OSBPL8: variants seen among roughly 807,000 people sequenced by gnomAD.
The protein encoded by OSBPL8 is oxysterol binding protein like 8, also known as oxysterol-binding protein-related protein 8.
OSBPL8 carries 59 observed loss-of-function variants against 125.5 expected under a neutral mutation model. The observed-to-expected ratio is 0.47, with a 90% CI of 0.38 to 0.58. The LOEUF is 0.58. Ranked by LOEUF, OSBPL8 falls within the 20% of genes least tolerant of loss-of-function variation. The probability of loss-of-function intolerance (pLI) is 0.00; values close to 1 mark genes in which losing one functional copy is unlikely to be tolerated. For missense variants in OSBPL8, 758 were observed against 1,047.8 expected (o/e 0.72, Z 3.82); for synonymous variants, 330 against 338.9 (o/e 0.97, Z 0.29).
At chr12:76,443,847 T>C (rs944790801) in intron 4 of OSBPL8, among the ~76,000 whole-genome samples, 1 of 152,248 alleles carries the variant, frequency 6.6e-6, no homozygotes, top group Non-Finnish European at 1.5e-5. Context: ...TGAAATATGT[T>C]CGGCTCAAAT....
chr12:76,508,111 C>T (rs1592814240), intron 1 of OSBPL8, among the ~76,000 whole-genome samples: 1 of 151,022 alleles, frequency 6.6e-6, no homozygotes, highest in Non-Finnish European at 1.5e-5. Flanking sequence ...GCGGAGGTTG[C>T]AGTGAGCCGA....
chr12:76,363,662 A>G (rs1309640282), intron 21 of OSBPL8, among the ~76,000 whole-genome samples: 1 of 152,238 alleles, frequency 6.6e-6, no homozygotes. Context: ...GACAAATGGG[A>G]TCTAATTAAA....
rs144020089 is a variant in OSBPL8 at position 76,352,846 on chromosome 12, C to T, written c.*3043G>A. On this transcript the variant is annotated 3_prime_UTR_variant, in exon 24 of 24. Transcript: ENST00000261183. ...GTGTGTATATGGCACAAGGTGACAG[C>T]CAAAAAGTGTGATTCCATCGAAAAG... is the stretch of plus-strand genomic sequence containing the variant. 3.3e-5 allele frequency: 5 copies of T among 152,470 alleles called. No homozygotes were observed. Among genetic ancestry groups the T allele is most frequent in the Non-Finnish European group, 7.4e-5 (5 of 67,900 alleles). The allele number at this position is 152,470 out of a possible 1,614,324, so 9.4% of individuals were successfully genotyped here.
At chr12:76,395,703 A>G (rs1318145912) in intron 8 of OSBPL8, among the ~76,000 whole-genome samples, 4 of 152,150 alleles carry the variant, frequency 2.6e-5, no homozygotes, top group Admixed American at 2.6e-4. Context: ...AATGGGAAGA[A>G]ACTGTATCCT....
intron 1 of OSBPL8, among the ~76,000 whole-genome samples, chr12:76,527,040 T>C (rs891615161): frequency 6.6e-6 from 1 of 152,116 alleles, no homozygotes. Context: ...ATAAGTAAAA[T>C]TATGAGGCTA....
intron 15 of OSBPL8, among the ~76,000 whole-genome samples, chr12:76,381,698 T>G (rs1391748061): frequency 6.6e-6 from 1 of 152,124 alleles, no homozygotes; most frequent in Non-Finnish European, 1.5e-5. Flanking sequence ...CTTGCATAGT[T>G]TAGCTTTTAA....
At chr12:76,404,432 C>T (rs1954171895) in intron 5 of OSBPL8, among the ~76,000 whole-genome samples, 1 of 152,124 alleles carries the variant, frequency 6.6e-6, no homozygotes, top group South Asian at 2.1e-4. Flanking sequence ...ACAGTTAACT[C>T]TTGAACAACA....
chr12:76,484,624 C>T (rs1233236963), intron 2 of OSBPL8, among the ~76,000 whole-genome samples: 1 of 152,070 alleles, frequency 6.6e-6, no homozygotes, highest in Non-Finnish European at 1.5e-5. Context: ...GAATTTACTA[C>T]CCAAGTCATA....
chr12:76,466,284 TAA>T (rs1402419747), intron 2 of OSBPL8, among the ~76,000 whole-genome samples: 2 of 151,990 alleles, frequency 1.3e-5, no homozygotes, highest in African/African-American at 2.4e-5. Flanking sequence ...GAAAAAAATA[TAA>T]AGTTTTTAAC....
chr12:76,397,597 TCCTGGCAGAGGACTA>T (rs1447444516), intron 8 of OSBPL8, 82 bp downstream of exon 8: 4 of 1,200,628 alleles, frequency 3.3e-6, no homozygotes, highest in Non-Finnish European at 4.7e-6. Flanking sequence ...GATTTATAAG[TCCTGGCAGAGGACTA>T]AACTCATTTG....
At chr12:76,530,983 G>A (rs1035995862) in intron 1 of OSBPL8, among the ~76,000 whole-genome samples, 3 of 152,136 alleles carry the variant, frequency 2.0e-5, no homozygotes, top group African/African-American at 7.2e-5. Context: ...TTTATTAAAT[G>A]TTATAGTACC....
At chr12:76,416,484 C>T (rs1868683615) in intron 4 of OSBPL8, among the ~76,000 whole-genome samples, 2 of 151,876 alleles carry the variant, frequency 1.3e-5, no homozygotes, top group African/African-American at 4.8e-5. Flanking sequence ...TCCTTTTCTC[C>T]CTCAATTACA....
At chr12:76,550,609 CCTT>C (rs1442328276) in intron 1 of OSBPL8, among the ~76,000 whole-genome samples, 4 of 152,262 alleles carry the variant, frequency 2.6e-5, no homozygotes, top group Admixed American at 1.3e-4. Flanking sequence ...AAAAAAATCT[CCTT>C]ATGTTTTAAG....
At chr12:76,451,258 C>A (rs1308264781) in intron 3 of OSBPL8, among the ~76,000 whole-genome samples, 1 of 151,762 alleles carries the variant, frequency 6.6e-6, no homozygotes, top group African/African-American at 2.4e-5. Flanking sequence ...TAATGAAAGG[C>A]CTAAGGTTTA....
chr12:76,461,168 G>A (rs1874677013), intron 2 of OSBPL8, among the ~76,000 whole-genome samples: 1 of 152,112 alleles, frequency 6.6e-6, no homozygotes, highest in South Asian at 2.1e-4. Flanking sequence ...AATTACTGAT[G>A]TAAGCCACCA....
intron 10 of OSBPL8, 75 bp from the exon 11 acceptor site, chr12:76,390,732 C>T (rs112677141): frequency 3.1e-4 from 272 of 880,834 alleles, no homozygotes; most frequent in Non-Finnish European, 4.6e-4. Flanking sequence ...TAATTATATA[C>T]AACATTTATT....
intron 1 of OSBPL8, among the ~76,000 whole-genome samples, chr12:76,541,587 G>T (rs986630241): frequency 6.6e-6 from 1 of 152,188 alleles, no homozygotes; most frequent in Non-Finnish European, 1.5e-5. Context: ...AGTTGAGGTG[G>T]CTCACACCTG....
intron 1 of OSBPL8, among the ~76,000 whole-genome samples, chr12:76,553,639 T>A (rs1477517000): frequency 6.7e-6 from 1 of 150,214 alleles, no homozygotes; most frequent in Admixed American, 6.6e-5. Context: ...TGAGTGCCAC[T>A]GCACTCCAGC....
rs147549324 is a variant in OSBPL8 at position 76,423,945 on chromosome 12, T to C, written c.218-13311A>G. Among the ~76,000 whole-genome samples, 3 of 152,284 alleles carry C rather than the reference T, an allele frequency of 2.0e-5. No individual in the cohort carries two copies. In the East Asian group the frequency reaches 5.8e-4, roughly 29 times the overall value. ...TTCATGCACAACATCTCATATAATC[T>C]AAGACTTTGTCCTTACTAGAAAGAA... On this transcript the variant is annotated intron_variant, in intron 4 of 23. Coordinates refer to ENST00000261183, the MANE Select transcript of OSBPL8 (RefSeq NM_020841.5).
Sources: gnomAD v4.1 joint callset for allele counts (sites outside exome capture counted in the v4.1 genomes callset) on GRCh38, gnomAD v4.1.1 for gene constraint, MANE v1.5 for transcripts, NCBI Gene and HGNC (gene_info 2026-07-23, HGNC 2026-07-21) for gene names.